Variants in PRKACB observed in about 807,000 individuals in gnomAD.
PRKACB encodes the protein cAMP-dependent protein kinase catalytic subunit beta.
In PRKACB, 16 loss-of-function variants were observed where a neutral mutation model predicts 51.4. The observed-to-expected ratio is 0.31, with a 90% CI of 0.21 to 0.47. The LOEUF is 0.47. PRKACB is among the 20% of genes least tolerant of loss of function. The pLI, the probability that PRKACB is intolerant of heterozygous loss-of-function variation, is 1.00. For synonymous variants in PRKACB, 147 were observed against 154.4 expected (o/e 0.95, Z 0.35); for missense variants, 309 against 464.5 (o/e 0.67, Z 3.08).
intron 1 of PRKACB, among the ~76,000 whole-genome samples, chr1:84,131,700 G>A (rs1356716652): frequency 7.9e-5 from 12 of 152,144 alleles, no homozygotes; most frequent in Non-Finnish European, 1.8e-4. Context: ...ACTCATGGCC[G>A]AGATCTGCTT....
chr1:84,078,501 G>T, intron 1 of PRKACB: 1 of 1,070,784 alleles, frequency 9.3e-7, no homozygotes, highest in Non-Finnish European at 1.3e-6. Context: ...AGTCGTTCTG[G>T]GGGGCCGGGA....
chr1:84,185,947 G>T (rs12139683), intron 5 of PRKACB, among the ~76,000 whole-genome samples: 1 of 152,206 alleles, frequency 6.6e-6, no homozygotes, highest in Admixed American at 6.5e-5. Context: ...CATATACACA[G>T]ACTAGGTGGT....
At chr1:84,199,048 CATATAT>C (rs149104274) in intron 7 of PRKACB, among the ~76,000 whole-genome samples, 1 of 131,834 alleles carries the variant, frequency 7.6e-6, no homozygotes, top group Non-Finnish European at 1.6e-5. Flanking sequence ...CATATGTATG[CATATAT>C]ATATGCGTAT....
chr1:84,202,941 C>A, intron 8 of PRKACB, 136 bp downstream of exon 8: 1 of 783,846 alleles, frequency 1.3e-6, no homozygotes, highest in South Asian at 3.3e-5. Context: ...GCTGCTCTTA[C>A]TATCATAAGA....
Position 84,165,316 on chromosome 1 carries a change from A to G in PRKACB, c.188-13861A>G, listed in dbSNP as rs17131044. Among the ~76,000 whole-genome samples, 621 of 152,058 alleles carry G rather than the reference A, an allele frequency of 4.1e-3. 4 individuals carry two copies. Among genetic ancestry groups the G allele is most frequent in the African/African-American group, 0.014 (591 of 41,536 alleles). On this transcript the variant is annotated intron_variant, in intron 1 of 9. Coordinates refer to ENST00000370685, the MANE Select transcript of PRKACB (RefSeq NM_182948.4). ...TTATAAATTAGTAAGTAGACTAACCATAAGAGAGGATTTTCTTTTAGTATC... is the reference window on the plus strand; with the variant it reads ...TTATAAATTAGTAAGTAGACTAACCGTAAGAGAGGATTTTCTTTTAGTATC...
intron 2 of PRKACB, 31 bp downstream of exon 2, chr1:84,179,269 A>G: frequency 6.6e-7 from 1 of 1,524,184 alleles, no homozygotes; most frequent in South Asian, 1.3e-5. Flanking sequence ...TCTAAAATTA[A>G]AAATCTTGTA....
chr1:84,126,173 C>T (rs1571688034), intron 1 of PRKACB, among the ~76,000 whole-genome samples: 1 of 152,160 alleles, frequency 6.6e-6, no homozygotes, highest in African/African-American at 2.4e-5. Context: ...CCACAGACAA[C>T]TTAAGTGTTT....
chr1:84,236,635 G>T lies in PRKACB; in HGVS notation c.*1330G>T, dbSNP rs1294658814. 6.6e-6 allele frequency: 1 copy of T among 152,612 alleles called. No homozygotes were observed. Among genetic ancestry groups the T allele is most frequent in the Admixed American group, 6.5e-5 (1 of 15,288 alleles). The allele number at this position is 152,612 out of a possible 1,614,324, so 9.5% of individuals were successfully genotyped here. A position where few individuals can be genotyped will look rare whatever the true frequency, so the allele number is the denominator to read the frequency against. ...CAGATACAATGTTGGTATTTGAGAGGTTAGTTTTTTTCCTACACTTTTTTT... is the reference window on the plus strand; with the variant it reads ...CAGATACAATGTTGGTATTTGAGAGTTTAGTTTTTTTCCTACACTTTTTTT... On this transcript the variant is annotated 3_prime_UTR_variant, in exon 10 of 10. Transcript: ENST00000370685.
At position 84,227,937 on chromosome 1, in the gene PRKACB, A is replaced by G. The variant is rs1447851905; in HGVS notation, c.1072-7243A>G. On this transcript the variant is annotated intron_variant, in intron 9 of 9. Transcript: ENST00000370685. ...TCAAGGAAAAAAAAAGGCAGAAGAA[A>G]GAAGTAGCCTGAACAACTCAAACTG... Among the ~76,000 whole-genome samples, 7 of 152,224 alleles carry G rather than the reference A, an allele frequency of 4.6e-5. 1 individual carries two copies. In the South Asian group the frequency reaches 8.3e-4, roughly 18 times the overall value.
intron 1 of PRKACB, among the ~76,000 whole-genome samples, chr1:84,168,813 TAGTGGGA>T (rs1658411124): frequency 1.3e-5 from 2 of 151,558 alleles, no homozygotes; most frequent in Non-Finnish European, 3.0e-5. Context: ...AAAACAGCTA[TAGTGGGA>T]CAACCAAGAA....
intron 1 of PRKACB, among the ~76,000 whole-genome samples, chr1:84,091,152 G>C (rs558629512): frequency 6.6e-6 from 1 of 152,182 alleles, no homozygotes; most frequent in Middle Eastern, 3.4e-3. Flanking sequence ...TGGTGCCCAG[G>C]CAGGTAATTT....
chr1:84,186,261 C>G (rs1184042731), intron 5 of PRKACB, among the ~76,000 whole-genome samples: 1 of 151,914 alleles, frequency 6.6e-6, no homozygotes. Flanking sequence ...CTCTGTTGCC[C>G]AGGCTGGAGT....
At chr1:84,100,633 A>G (rs1350749376) in intron 1 of PRKACB, among the ~76,000 whole-genome samples, 1 of 152,108 alleles carries the variant, frequency 6.6e-6, no homozygotes, top group Non-Finnish European at 1.5e-5. Flanking sequence ...TTTCCCTAAC[A>G]CAGTGAGGAA....
At position 84,086,440 on chromosome 1, in the gene PRKACB, C is replaced by T. The variant is rs1364768392; in HGVS notation, c.46+8069C>T. On this transcript the variant is annotated intron_variant, in intron 1 of 8. Coordinates refer to the PRKACB transcript ENST00000370688. ...CTTCCCTCCCACATGCCTTTCGTCC[C>T]CTCCCTCTAGGGCCTGTGGCAGTTC... is the stretch of plus-strand genomic sequence containing the variant. Among the ~76,000 whole-genome samples, 6 of 152,092 alleles carry T rather than the reference C, an allele frequency of 3.9e-5. No individual in the cohort carries two copies. The East Asian group carries it at 1.2e-3, about 29-fold the overall frequency.
At chr1:84,102,679 G>T (rs916148918) in intron 1 of PRKACB, among the ~76,000 whole-genome samples, 1 of 152,064 alleles carries the variant, frequency 6.6e-6, no homozygotes, top group African/African-American at 2.4e-5. Flanking sequence ...AAAGTGTACG[G>T]GCCCTCACCT....
At chr1:84,184,010 T>C in intron 3 of PRKACB, 27 bp from the exon 4 acceptor site, 1 of 1,551,432 alleles carries the variant, frequency 6.4e-7, no homozygotes, top group Non-Finnish European at 8.7e-7. Flanking sequence ...TTAAATACAT[T>C]AAGAGATATT....
intron 1 of PRKACB, among the ~76,000 whole-genome samples, chr1:84,118,720 C>T (rs1480499400): frequency 6.6e-6 from 1 of 152,044 alleles, no homozygotes; most frequent in African/African-American, 2.4e-5. Flanking sequence ...TCAGTGACTA[C>T]AGTAGGAAAA....
intron 8 of PRKACB, among the ~76,000 whole-genome samples, chr1:84,206,156 T>C (rs1429364435): frequency 6.6e-6 from 1 of 152,180 alleles, no homozygotes; most frequent in East Asian, 1.9e-4. Context: ...GCTTATGTAA[T>C]TTAAAAAAAT....
chr1:84,078,187 C>T (rs1007413018), exon 1 of PRKACB: 1 of 942,864 alleles, frequency 1.1e-6, no homozygotes, highest in African/African-American at 1.7e-5. Context: ...GTCTTCGCGC[C>T]CGGACTCCTG....
Sources: allele counts gnomAD v4.1 joint callset (sites outside exome capture counted in the v4.1 genomes callset), GRCh38; gene constraint gnomAD v4.1.1; transcripts MANE v1.5; gene names NCBI Gene and HGNC (gene_info 2026-07-23, HGNC 2026-07-21).